The following BTBD10 variants were observed in gnomAD, a reference collection of about 807,000 sequenced individuals.
BTBD10 encodes the protein BTB domain containing 10, also known as BTB/POZ domain-containing protein 10.
Under a neutral mutation model 53.2 loss-of-function variants are expected in BTBD10, and 21 were observed. The ratio of observed to expected loss-of-function variants is 0.39; its 90% CI spans 0.28 to 0.57. BTBD10 has a LOEUF of 0.57. Ranked by LOEUF, BTBD10 falls within the 20% of genes least tolerant of loss-of-function variation. BTBD10 has a pLI of 0.53. For missense variants in BTBD10, 360 were observed against 594.7 expected (o/e 0.61, Z 4.10); for synonymous variants, 149 against 192.7 (o/e 0.77, Z 1.88).
intron 2 of BTBD10, among the ~76,000 whole-genome samples, chr11:13,424,809 C>T (rs1422905509): frequency 6.6e-6 from 1 of 152,122 alleles, no homozygotes; most frequent in Non-Finnish European, 1.5e-5. Context: ...TGAAAGAGAG[C>T]AATCATTGAA....
Position 13,422,465 on chromosome 11 carries a change from T to C in BTBD10, c.102-627A>G, listed in dbSNP as rs182368015. 5.9e-3 allele frequency among the ~76,000 whole-genome samples: 891 copies of C among 152,150 alleles called. 10 individuals carry two copies. Among genetic ancestry groups the C allele is most frequent in the African/African-American group, 0.021 (867 of 41,500 alleles). ...GAGTTCGAGACCAGCCTGGCCAACA[T>C]GGCAAAACCCTGTCTCTACTAAAAA... On this transcript the variant is annotated intron_variant, in intron 2 of 8. Coordinates refer to ENST00000278174, the MANE Select transcript of BTBD10 (RefSeq NM_032320.7).
chr11:13,449,411 A>G, intron 1 of BTBD10, among the ~76,000 whole-genome samples: 1 of 152,188 alleles, frequency 6.6e-6, no homozygotes, highest in East Asian at 1.9e-4. Flanking sequence ...CCCCAGTCTA[A>G]CAAAAAGCCC....
intron 7 of BTBD10, among the ~76,000 whole-genome samples, chr11:13,403,800 C>T (rs1266982896): frequency 2.6e-5 from 4 of 152,238 alleles, no homozygotes; most frequent in East Asian, 1.9e-4. Context: ...TCCATTCAGG[C>T]GAACAGCCCC....
intron 5 of BTBD10, among the ~76,000 whole-genome samples, chr11:13,415,237 C>T (rs985070650): frequency 6.6e-6 from 1 of 151,752 alleles, no homozygotes; most frequent in Admixed American, 6.6e-5. Context: ...CTCAGCCTCC[C>T]AAGTGTTGGA....
Position 13,463,078 on chromosome 11 carries a change from C to A in BTBD10, c.-58+14G>T, listed in dbSNP as rs113385803. 0.033 allele frequency: 5,130 copies of A among 153,228 alleles called. 289 individuals carry two copies. The highest frequency in any genetic ancestry group is 0.12 in the African/African-American group (4,840 of 41,530). The allele number at this position is 153,228 out of a possible 1,614,324, so 9.5% of individuals were successfully genotyped here. A position where few individuals can be genotyped will look rare whatever the true frequency, so the allele number is the denominator to read the frequency against. The stretch of plus-strand genomic sequence containing the variant: ...GCGCCGCCCCCGCCGAGTTCCCCAG[C>A]TGAGTCCACTCACTCTCGAACCTGT... On this transcript the variant is annotated intron_variant, in intron 1 of 8. Transcript: ENST00000278174.
intron 1 of BTBD10, among the ~76,000 whole-genome samples, chr11:13,454,874 A>C (rs1188447228): frequency 6.6e-6 from 1 of 152,038 alleles, no homozygotes; most frequent in Non-Finnish European, 1.5e-5. Flanking sequence ...ATTTCCATTA[A>C]AAGTAGGATC....
Position 13,398,598 on chromosome 11 carries a change from G to A in BTBD10, c.1117+4570C>T, listed in dbSNP as rs1194370137. On this transcript the variant is annotated intron_variant, in intron 8 of 8. Coordinates refer to ENST00000278174, the MANE Select transcript of BTBD10 (RefSeq NM_032320.7). ...GATCCTGTCATTATGATGTTAGCTGGTTATTTTGTTCATTAGTTGATGCAG... is the reference window on the plus strand; with the variant it reads ...GATCCTGTCATTATGATGTTAGCTGATTATTTTGTTCATTAGTTGATGCAG... Among the ~76,000 whole-genome samples, 13 of 152,256 alleles carry A rather than the reference G, an allele frequency of 8.5e-5. No individual in the cohort carries two copies. The East Asian group carries it at 2.5e-3, about 29-fold the overall frequency.
chr11:13,435,982 C>T (rs1212910502), intron 2 of BTBD10, among the ~76,000 whole-genome samples: 1 of 152,118 alleles, frequency 6.6e-6, no homozygotes, highest in African/African-American at 2.4e-5. Context: ...CTATCAGAGG[C>T]CCTTTGATGT....
intron 8 of BTBD10, among the ~76,000 whole-genome samples, chr11:13,400,376 G>A (rs865970805): frequency 2.6e-4 from 40 of 152,312 alleles, no homozygotes; most frequent in Non-Finnish European, 5.3e-4. Flanking sequence ...CTGGTGTGCC[G>A]TTTGTGAAGC....
At chr11:13,425,099 A>T (rs1187549635) in intron 2 of BTBD10, among the ~76,000 whole-genome samples, 1 of 152,208 alleles carries the variant, frequency 6.6e-6, no homozygotes, top group Non-Finnish European at 1.5e-5. Context: ...TATGAAAAGA[A>T]GCTGGGGAAA....
At chr11:13,425,407 C>T (rs1408317012) in intron 2 of BTBD10, among the ~76,000 whole-genome samples, 1 of 151,834 alleles carries the variant, frequency 6.6e-6, no homozygotes, top group African/African-American at 2.4e-5. Flanking sequence ...GTAAAATTTA[C>T]AATGTATGGC....
At chr11:13,456,771 A>G (rs967596201) in intron 1 of BTBD10, among the ~76,000 whole-genome samples, 2 of 152,158 alleles carry the variant, frequency 1.3e-5, no homozygotes, top group Non-Finnish European at 2.9e-5. Context: ...TCACTCATAA[A>G]AGAAATGCAA....
rs540736024 is a variant in BTBD10, at chr11:13,408,716, G to A, written c.809-2860C>T. On this transcript the variant is annotated intron_variant, in intron 6 of 8. Coordinates refer to ENST00000278174, the MANE Select transcript of BTBD10 (RefSeq NM_032320.7). ...TTTCCACTCCACATTCAATTGAAGA[G>A]GAAATTCTGGTAATCTGAACATCCC... 4.6e-5 allele frequency among the ~76,000 whole-genome samples: 7 copies of A among 152,248 alleles called. No homozygotes were observed. The South Asian group carries it at 1.5e-3, about 32-fold the overall frequency.
At chr11:13,436,575 T>A (rs1950546818) in intron 2 of BTBD10, among the ~76,000 whole-genome samples, 1 of 152,148 alleles carries the variant, frequency 6.6e-6, no homozygotes, top group Admixed American at 6.5e-5. Context: ...AAATGGAAAC[T>A]TAGCGGCTAA....
intron 8 of BTBD10, among the ~76,000 whole-genome samples, chr11:13,390,563 C>T (rs1165546540): frequency 6.6e-6 from 1 of 152,130 alleles, no homozygotes; most frequent in Non-Finnish European, 1.5e-5. Flanking sequence ...AGGATGATCT[C>T]AAACTCCCGA....
Position 13,388,888 on chromosome 11 carries a change from G to T in BTBD10, c.1371C>A (p.Ile457=), listed in dbSNP as rs1324831245. The T allele has an allele frequency of 1.2e-6, 2 of 1,614,050 alleles. No individual in the cohort carries two copies. The highest frequency in any genetic ancestry group is 2.7e-5 in the African/African-American group (2 of 74,914). ...PQVDELDILP[I]HPPSGNSDLD... Reference sequence around the variant, plus strand: ...GGTCACTGTTGCCAGAAGGGGGATGGATAGGGAGAATATCCAGCTCATCCA... The same window carrying T: ...GGTCACTGTTGCCAGAAGGGGGATGTATAGGGAGAATATCCAGCTCATCCA... Residue 457 remains isoleucine, a synonymous_variant, in exon 9 of 9, where the codon ATC becomes ATA. Coordinates refer to ENST00000278174, the MANE Select transcript of BTBD10 (RefSeq NM_032320.7).
rs1296918910 is a variant in BTBD10, at chr11:13,388,718, A to T, written c.*113T>A. ...AAAAAAGCCTACACTGCAATATCCT[A>T]AACATTGTTATGTGCATCTCACAAT... On this transcript the variant is annotated 3_prime_UTR_variant, in exon 9 of 9. Coordinates refer to ENST00000278174, the MANE Select transcript of BTBD10 (RefSeq NM_032320.7). The T allele has an allele frequency of 1.6e-6, 2 of 1,214,926 alleles. No homozygotes were observed. Among genetic ancestry groups the T allele is most frequent in the Non-Finnish European group, 2.3e-6 (2 of 870,606 alleles). The allele number at this position is 1,214,926 out of a possible 1,614,324, so 75.3% of individuals were successfully genotyped here. A position where few individuals can be genotyped will look rare whatever the true frequency, so the allele number is the denominator to read the frequency against.
chr11:13,438,991 C>A (rs1209391369), intron 2 of BTBD10, among the ~76,000 whole-genome samples: 1 of 151,772 alleles, frequency 6.6e-6, no homozygotes, highest in Non-Finnish European at 1.5e-5. Flanking sequence ...GTCATGACAA[C>A]CATAAGATGA....
At chr11:13,430,990 C>CACACAA (rs1189942625) in intron 2 of BTBD10, among the ~76,000 whole-genome samples, 1 of 150,200 alleles carries the variant, frequency 6.7e-6, no homozygotes, top group African/African-American at 2.5e-5. Flanking sequence ...CACACACACA[C>CACACAA]ACACACACAC....
Sources: gnomAD v4.1 joint callset for allele counts (sites outside exome capture counted in the v4.1 genomes callset) on GRCh38, gnomAD v4.1.1 for gene constraint, MANE v1.5 for transcripts, NCBI Gene and HGNC (gene_info 2026-07-23, HGNC 2026-07-21) for gene names.